NRCAM: variants seen among roughly 807,000 people sequenced by gnomAD.
The protein encoded by NRCAM is NgCAM-related cell adhesion molecule.
Under a neutral mutation model 156.5 loss-of-function variants are expected in NRCAM, and 83 were observed. The ratio of observed to expected loss-of-function variants is 0.53; its 90% CI spans 0.44 to 0.64. NRCAM has a LOEUF of 0.64. NRCAM is among the 30% of genes least tolerant of loss of function. The pLI is 0.00. For missense variants in NRCAM, 1,417 were observed against 1,597.3 expected (o/e 0.89, Z 1.92); for synonymous variants, 538 against 563.9 (o/e 0.95, Z 0.65).
chr7:108,297,835 C>G (rs1161501155), intron 3 of NRCAM, among the ~76,000 whole-genome samples: 1 of 152,184 alleles, frequency 6.6e-6, no homozygotes, highest in African/African-American at 2.4e-5. Context: ...AATATACTTT[C>G]TTGCCACAGG....
At chr7:108,362,099 CA>C (rs2099556062) in intron 2 of NRCAM, among the ~76,000 whole-genome samples, 1 of 152,178 alleles carries the variant, frequency 6.6e-6, no homozygotes, top group Admixed American at 6.5e-5. Flanking sequence ...TCTGCTATAG[CA>C]AAATACCACA....
intron 2 of NRCAM, among the ~76,000 whole-genome samples, chr7:108,359,085 TTA>T (rs2099530207): frequency 6.6e-6 from 1 of 152,200 alleles, no homozygotes; most frequent in Non-Finnish European, 1.5e-5. Flanking sequence ...GTAGGCTATT[TTA>T]GAGTTTTTGA....
chr7:108,167,997 G>A (rs1056996381), intron 29 of NRCAM, among the ~76,000 whole-genome samples: 2 of 151,988 alleles, frequency 1.3e-5, no homozygotes, highest in Non-Finnish European at 2.9e-5. Flanking sequence ...TTGTTTATGT[G>A]TTGTGGGCAC....
rs2098950439 is a variant in NRCAM at position 108,318,009 on chromosome 7, AT to A, written c.-173-5279del. ...TTTTTGTGAGAATCTGATTCTGCAG[AT>A]TTAGGAGGGACCTGGAAATTCACTT... On this transcript the variant is annotated intron_variant, in intron 2 of 32. Transcript: ENST00000379028. 2.2e-5 allele frequency among the ~76,000 whole-genome samples: 3 copies of A among 139,360 alleles called. No individual in the cohort carries two copies. The South Asian group carries it at 7.2e-4, about 33-fold the overall frequency. 91.4% of individuals were successfully genotyped at this position (139,360 alleles called of 152,430 possible).
intron 3 of NRCAM, among the ~76,000 whole-genome samples, chr7:108,299,104 TC>T (rs1343086642): frequency 1.9e-3 from 9 of 4,838 alleles, no homozygotes; most frequent in South Asian, 0.016. Flanking sequence ...AGACTCCATC[TC>T]AAAAAAAAAA....
intron 11 of NRCAM, among the ~76,000 whole-genome samples, chr7:108,210,137 A>G (rs2083286025): frequency 6.6e-6 from 1 of 152,242 alleles, no homozygotes; most frequent in Non-Finnish European, 1.5e-5. Flanking sequence ...AATAAGGGAA[A>G]GAGCTTTTTT....
chr7:108,248,691 T>C lies in NRCAM; in HGVS notation c.-106-8521A>G, dbSNP rs147069035. Among the ~76,000 whole-genome samples, 99 of 152,322 alleles carry C rather than the reference T, an allele frequency of 6.5e-4. 2 individuals carry two copies. The East Asian group carries it at 0.018, about 27-fold the overall frequency. The stretch of plus-strand genomic sequence containing the variant: ...AATGTCTTCCAAAGTCCCCATGCTC[T>C]CCTGCTTTTACCTTCCTCCAACCAG... On this transcript the variant is annotated intron_variant, in intron 3 of 32. Transcript: ENST00000379028.
At chr7:108,246,944 T>C (rs1243434765) in intron 3 of NRCAM, among the ~76,000 whole-genome samples, 5 of 152,114 alleles carry the variant, frequency 3.3e-5, no homozygotes, top group Non-Finnish European at 7.4e-5. Flanking sequence ...AAGCAATATG[T>C]GAAAAGAGGT....
At chr7:108,294,603 C>T (rs1251155361) in intron 3 of NRCAM, among the ~76,000 whole-genome samples, 2 of 152,158 alleles carry the variant, frequency 1.3e-5, no homozygotes, top group Non-Finnish European at 2.9e-5. Context: ...ACAAAATAGA[C>T]ATATCCAAGG....
chr7:108,339,264 T>C (rs546094655), intron 2 of NRCAM, among the ~76,000 whole-genome samples: 32 of 152,244 alleles, frequency 2.1e-4, no homozygotes, highest in Non-Finnish European at 3.8e-4. Flanking sequence ...AAAATCACAA[T>C]GGGTATTCAG....
chr7:108,370,175 G>T lies in NRCAM; in HGVS notation c.-174+29261C>A, dbSNP rs144151160. ...AGTGCCCCAGAGATATGATGTAACT[G>T]ATGCAAATAATTACTAGAAAGGAAT... On this transcript the variant is annotated intron_variant, in intron 2 of 32. Transcript: ENST00000379028. Among the ~76,000 whole-genome samples, 160 of 152,172 alleles carry T rather than the reference G, an allele frequency of 1.1e-3. 1 individual carries two copies. The highest frequency in any genetic ancestry group is 3.1e-3 in the African/African-American group (130 of 41,536).
At chr7:108,157,728 C>T (rs1017760581) in intron 32 of NRCAM, among the ~76,000 whole-genome samples, 2 of 152,070 alleles carry the variant, frequency 1.3e-5, no homozygotes, top group African/African-American at 4.8e-5. Flanking sequence ...AGTCACATGA[C>T]CTCAGATCAT....
chr7:108,171,795 C>T (rs1314081260), intron 28 of NRCAM, among the ~76,000 whole-genome samples: 2 of 152,048 alleles, frequency 1.3e-5, no homozygotes, highest in African/African-American at 2.4e-5. Context: ...TAAACAAACA[C>T]GGGTGCATTT....
Position 108,148,975 on chromosome 7 carries a change from A to T in NRCAM, c.*935T>A, listed in dbSNP as rs566488597. ...GCAGTTTTCATGAACTCTGCTTTTT[A>T]AAAGTTACTTTTAGACAATGACAGT... On this transcript the variant is annotated 3_prime_UTR_variant, in exon 33 of 33. Transcript: ENST00000379028. 7.9e-5 allele frequency: 12 copies of T among 152,720 alleles called. No individual in the cohort carries two copies. The East Asian group carries it at 2.3e-3, about 29-fold the overall frequency. The allele number at this position is 152,720 out of a possible 1,614,324, so 9.5% of individuals were successfully genotyped here. A position where few individuals can be genotyped will look rare whatever the true frequency, so the allele number is the denominator to read the frequency against.
At chr7:108,272,647 T>C (rs2097405232) in intron 3 of NRCAM, among the ~76,000 whole-genome samples, 1 of 151,972 alleles carries the variant, frequency 6.6e-6, no homozygotes, top group Non-Finnish European at 1.5e-5. Flanking sequence ...TTTAGAATTT[T>C]GATTTTAAAA....
At chr7:108,229,907 C>A (rs1166508998) in intron 8 of NRCAM, among the ~76,000 whole-genome samples, 1 of 152,062 alleles carries the variant, frequency 6.6e-6, no homozygotes, top group Non-Finnish European at 1.5e-5. Flanking sequence ...TTTGAAATTG[C>A]CTAATGAATA....
At chr7:108,177,547 C>T (rs190938924) in intron 26 of NRCAM, among the ~76,000 whole-genome samples, 37 of 151,796 alleles carry the variant, frequency 2.4e-4, no homozygotes, top group Admixed American at 2.0e-3. Flanking sequence ...GGTGTGAACT[C>T]GGGAGATGGA....
chr7:108,382,164 G>A (rs188928285), intron 2 of NRCAM, among the ~76,000 whole-genome samples: 1 of 152,004 alleles, frequency 6.6e-6, no homozygotes. Flanking sequence ...AGTCACAGAA[G>A]ATCTGCATCA....
intron 1 of NRCAM, among the ~76,000 whole-genome samples, chr7:108,421,144 C>G (rs1558038): frequency 0.87 from 131,998 of 152,146 alleles, 57,471 homozygotes; most frequent in East Asian, 0.95. Context: ...AGGTGCTTAG[C>G]GAAAAAAAGA....
Sources: gnomAD v4.1 joint callset for allele counts (sites outside exome capture counted in the v4.1 genomes callset) on GRCh38, gnomAD v4.1.1 for gene constraint, MANE v1.5 for transcripts, NCBI Gene and HGNC (gene_info 2026-07-23, HGNC 2026-07-21) for gene names.